Variants in FMN2 observed in about 807,000 individuals in gnomAD.
FMN2 encodes formin-2.
In FMN2, 51 loss-of-function variants were observed where a neutral mutation model predicts 142.3. That is an observed-to-expected ratio of 0.36 (90% CI 0.29 to 0.45). FMN2 has a LOEUF of 0.45. Ranked by LOEUF, FMN2 falls within the 20% of genes least tolerant of loss-of-function variation. The pLI is 1.00. For missense variants in FMN2, 1,936 were observed against 2,122.8 expected (o/e 0.91, Z 1.73); for synonymous variants, 882 against 869.8 (o/e 1.01, Z -0.25).
chr1:240,305,377 A>G (rs763426111), intron 8 of FMN2, among the ~76,000 whole-genome samples: 2 of 152,230 alleles, frequency 1.3e-5, no homozygotes, highest in Non-Finnish European at 2.9e-5. Context: ...TTTTGAAAGC[A>G]TGCGTTTCCC....
At chr1:240,300,538 T>A (rs1572170479) in intron 8 of FMN2, among the ~76,000 whole-genome samples, 2 of 152,324 alleles carry the variant, frequency 1.3e-5, no homozygotes, top group East Asian at 3.9e-4. Context: ...ATCAAAGAGC[T>A]CTTCTCACTT....
At chr1:240,222,491 T>G (rs1667156482) in intron 6 of FMN2, among the ~76,000 whole-genome samples, 1 of 145,644 alleles carries the variant, frequency 6.9e-6, no homozygotes, top group Non-Finnish European at 1.5e-5. Context: ...TGGTTCTATA[T>G]GAAATTTAAA....
intron 13 of FMN2, 97 bp downstream of exon 13, chr1:240,334,326 T>C (rs1671490822): frequency 7.3e-7 from 1 of 1,366,884 alleles, no homozygotes; most frequent in South Asian, 1.8e-5. Flanking sequence ...ATCTTTTTTA[T>C]CTTTATAGAA....
chr1:240,269,422 C>T (rs1668918687), intron 7 of FMN2, among the ~76,000 whole-genome samples: 3 of 151,972 alleles, frequency 2.0e-5, no homozygotes, highest in Admixed American at 2.0e-4. Context: ...TTTATGCCAC[C>T]ACCATACTGT....
chr1:240,174,049 C>T (rs968212726), intron 2 of FMN2, among the ~76,000 whole-genome samples: 1 of 152,146 alleles, frequency 6.6e-6, no homozygotes, highest in Non-Finnish European at 1.5e-5. Context: ...GTCACTCCAG[C>T]CCTGCTTCTC....
chr1:240,356,383 T>C (rs1361696686), intron 14 of FMN2, among the ~76,000 whole-genome samples: 2 of 152,142 alleles, frequency 1.3e-5, no homozygotes, highest in South Asian at 2.1e-4. Flanking sequence ...GTTTTTTTAA[T>C]GGGATACGCC....
At chr1:240,194,044 TTTTG>T (rs1166448962) in intron 4 of FMN2, among the ~76,000 whole-genome samples, 1 of 152,066 alleles carries the variant, frequency 6.6e-6, no homozygotes, top group Non-Finnish European at 1.5e-5. Context: ...TTTGTTTTGT[TTTTG>T]TTTGTTTTTT....
At chr1:240,447,727 G>T (rs867921540) in intron 16 of FMN2, among the ~76,000 whole-genome samples, 3 of 152,316 alleles carry the variant, frequency 2.0e-5, no homozygotes, top group African/African-American at 7.2e-5. Context: ...GGAGGAAAAT[G>T]GAGAGTGACT....
intron 8 of FMN2, among the ~76,000 whole-genome samples, chr1:240,305,951 GTTTT>G (rs10577212): frequency 8.2e-6 from 1 of 121,780 alleles, no homozygotes; most frequent in Admixed American, 7.6e-5. Flanking sequence ...ATGCTTGTAA[GTTTT>G]TTTTTTTTTT....
chr1:240,436,255 A>G (rs769938093), intron 15 of FMN2, among the ~76,000 whole-genome samples: 3 of 152,160 alleles, frequency 2.0e-5, no homozygotes, highest in South Asian at 2.1e-4. Context: ...TCATTTTTCT[A>G]GTAGGCTAAC....
intron 6 of FMN2, among the ~76,000 whole-genome samples, chr1:240,226,736 GAA>G (rs1356679377): frequency 6.6e-6 from 1 of 151,422 alleles, no homozygotes; most frequent in Non-Finnish European, 1.5e-5. Flanking sequence ...CTCTAAAAAA[GAA>G]AAAAGACAAA....
chr1:240,189,906 A>G (rs1665636181), intron 4 of FMN2, among the ~76,000 whole-genome samples: 1 of 152,244 alleles, frequency 6.6e-6, no homozygotes, highest in Non-Finnish European at 1.5e-5. Context: ...AAGCATGGCT[A>G]AATTGTGATT....
rs1671245428 is a variant in FMN2 at position 240,328,163 on chromosome 1, A to AG, written c.4216-913_4216-912insG. 4.1e-5 allele frequency among the ~76,000 whole-genome samples: 6 copies of AG among 145,064 alleles called. 1 individual carries two copies. Among genetic ancestry groups the AG allele is most frequent in the African/African-American group, 1.4e-4 (5 of 36,510 alleles). Reference sequence around the variant, plus strand: ...ACCCCATCTCAAAAAAAAAAAAAAAAAAAAAAAAAGAAAAAGAAAATCCAG... The same window carrying AG: ...ACCCCATCTCAAAAAAAAAAAAAAAAGAAAAAAAAAGAAAAAGAAAATCCAG... On this transcript the variant is annotated intron_variant, in intron 8 of 17. Coordinates refer to ENST00000319653, the MANE Select transcript of FMN2 (RefSeq NM_020066.5).
intron 6 of FMN2, among the ~76,000 whole-genome samples, chr1:240,232,034 T>G: frequency 6.6e-6 from 1 of 152,168 alleles, no homozygotes; most frequent in East Asian, 1.9e-4. Flanking sequence ...ACATTTATGT[T>G]GTTGAATCTC....
At chr1:240,326,164 T>G (rs1671164581) in intron 8 of FMN2, among the ~76,000 whole-genome samples, 1 of 152,178 alleles carries the variant, frequency 6.6e-6, no homozygotes, top group African/African-American at 2.4e-5. Context: ...GGCCAGAGAT[T>G]ACCTGAGGTG....
chr1:240,147,582 C>T (rs77785236), intron 2 of FMN2, among the ~76,000 whole-genome samples: 69,143 of 151,350 alleles, frequency 0.46, 16,954 homozygotes, highest in South Asian at 0.65. Context: ...AGCCTGGAAT[C>T]CCTGCACTCA....
chr1:240,218,278 T>C (rs1666978749), intron 6 of FMN2, among the ~76,000 whole-genome samples: 1 of 50,752 alleles, frequency 2.0e-5, no homozygotes, highest in Non-Finnish European at 3.2e-5. Context: ...CGAGACTCTG[T>C]CTCAAAAAAA....
At chr1:240,443,275 A>G (rs1368456121) in intron 16 of FMN2, among the ~76,000 whole-genome samples, 1 of 152,244 alleles carries the variant, frequency 6.6e-6, no homozygotes, top group Non-Finnish European at 1.5e-5. Flanking sequence ...ACACAGATCA[A>G]GTGATCTTGT....
chr1:240,418,807 T>A (rs546934527), intron 15 of FMN2, among the ~76,000 whole-genome samples: 1 of 152,184 alleles, frequency 6.6e-6, no homozygotes, highest in East Asian at 1.9e-4. Context: ...TTACCAAGAG[T>A]GTATAGTAAA....
Sources: allele counts gnomAD v4.1 joint callset (sites outside exome capture counted in the v4.1 genomes callset), GRCh38; gene constraint gnomAD v4.1.1; transcripts MANE v1.5; gene names NCBI Gene and HGNC (gene_info 2026-07-23, HGNC 2026-07-21).